Variants in C16orf92 observed in about 807,000 individuals in gnomAD.
C16orf92 encodes the protein fertilization-influencing membrane protein.
In C16orf92, 14 loss-of-function variants were observed where a neutral mutation model predicts 13.7. The ratio of observed to expected loss-of-function variants is 1.02; its 90% CI spans 0.67 to 1.60. The LOEUF is 1.60. Ranked by LOEUF, C16orf92 falls within the 40% of genes most tolerant of loss-of-function variation. The pLI is 0.00. For missense variants in C16orf92, 116 were observed against 139.0 expected, an observed-to-expected ratio of 0.83 and a Z score of 0.83; for synonymous variants, 50 against 57.4, an observed-to-expected ratio of 0.87 and a Z score of 0.58.
At chr16:30,025,818 A>T, downstream of C16orf92, 1 of 1,613,414 alleles carries the variant, frequency 6.2e-7, no homozygotes, top group Non-Finnish European at 8.5e-7. This position sits in a 1 kb window ranked among gnomAD's most constrained non-coding sequence, Gnocchi z 4.1. Flanking sequence ...CCCTGTCGCC[A>T]CACCTGGGCA....
chr16:30,026,528 G>C (rs2071144443), downstream of C16orf92: 1 of 1,269,824 alleles, frequency 7.9e-7, no homozygotes, highest in South Asian at 1.4e-5. Context: ...CAGACCCGGG[G>C]CTTCCCAGGC....
downstream of C16orf92, chr16:30,025,639 G>T: frequency 1.3e-6 from 2 of 1,494,658 alleles, no homozygotes; most frequent in Non-Finnish European, 1.9e-6. This position sits in a 1 kb window ranked among gnomAD's most constrained non-coding sequence, Gnocchi z 4.1. Context: ...TGACGAAGGG[G>T]CTAGAGCCCT....
intron 2 of C16orf92, 22 bp downstream of exon 2, chr16:30,023,907 G>T (rs746405101): frequency 6.2e-7 from 1 of 1,601,818 alleles, no homozygotes; most frequent in South Asian, 1.1e-5. Flanking sequence ...CTTGAGAAGG[G>T]ACCTCCCTCC....
At chr16:30,027,121 C>T (rs976650493), downstream of C16orf92, 7 of 551,856 alleles carry the variant, frequency 1.3e-5, no homozygotes, top group Non-Finnish European at 2.1e-5. Flanking sequence ...CCAGAAGATG[C>T]CCACAGACCA....
Position 30,023,869 on chromosome 16 carries a change from C to A in C16orf92, c.207C>A (p.Ile69=). ...AVAQFIGEKP[I]VFINSGSSPG... is the part of the protein sequence containing the mutation. ...CCCAGTTTATTGGAGAGAAACCCAT[C>A]GTGTTCATTAACTCAGGTATGAACC... is the stretch of plus-strand genomic sequence containing the variant. The change falls in exon 2 of 4, where the codon ATC becomes ATA. Residue 69 remains isoleucine (I), a synonymous_variant. Coordinates refer to ENST00000681219, the MANE Select transcript of C16orf92 (RefSeq NM_001109659.2). 6.2e-7 allele frequency: 1 copy of A among 1,613,274 alleles called. No individual in the cohort carries two copies. The highest frequency in any genetic ancestry group is 1.7e-5 in the Admixed American group (1 of 60,004).
chr16:30,026,261 C>G (rs1395059205), downstream of C16orf92, among the ~76,000 whole-genome samples: 1 of 152,110 alleles, frequency 6.6e-6, no homozygotes, highest in African/African-American at 2.4e-5. Context: ...GAAAGAACAC[C>G]TGGGTGCAGG....
At chr16:30,026,944 G>A (rs1026610014), downstream of C16orf92, 44 of 991,148 alleles carry the variant, frequency 4.4e-5, 1 homozygote, top group African/African-American at 9.6e-5. Flanking sequence ...GGACAGGAGC[G>A]GAGTCTTGGG....
At position 30,024,562 on chromosome 16, in the gene C16orf92, C is replaced by T. The variant is rs2071009119; in HGVS notation, c.*335C>T. 1.1e-5 allele frequency: 4 copies of T among 377,914 alleles called. No individual in the cohort carries two copies. Among genetic ancestry groups the T allele is most frequent in the Middle Eastern group, 7.3e-4 (1 of 1,378 alleles). 23.4% of individuals were successfully genotyped at this position (377,914 alleles called of 1,614,324 possible). On this transcript the variant is annotated 3_prime_UTR_variant, in exon 4 of 4. Coordinates refer to ENST00000681219, the MANE Select transcript of C16orf92 (RefSeq NM_001109659.2). ...AGGGCCCGAGGGCGCGATGTGCAGC[C>T]GATGGTGAGGGACTGGGCGCCCTCG...
chr16:30,023,968 A>T (rs1342881073), intron 2 of C16orf92, 31 bp from the exon 3 acceptor site: 16 of 1,595,824 alleles, frequency 1.0e-5, no homozygotes, highest in Middle Eastern at 1.7e-4. Flanking sequence ...GGGCCATCAG[A>T]GGGGAGTTAA....
chr16:30,023,571 C>G, intron 1 of C16orf92, 156 bp from the exon 2 acceptor site: 1 of 1,460,432 alleles, frequency 6.8e-7, no homozygotes, highest in Non-Finnish European at 9.5e-7. Flanking sequence ...CGAGCCTTGT[C>G]GTGGTGCACC....
downstream of C16orf92, chr16:30,027,472 A>G (rs1273480845): frequency 2.3e-6 from 1 of 431,286 alleles, no homozygotes; most frequent in Non-Finnish European, 4.7e-6. Context: ...CCTCACTGTC[A>G]TCCCCACCAT....
downstream of C16orf92, chr16:30,025,265 C>T: frequency 1.3e-6 from 2 of 1,541,570 alleles, no homozygotes; most frequent in Non-Finnish European, 1.7e-6. This position sits in a 1 kb window ranked among gnomAD's most constrained non-coding sequence, Gnocchi z 4.1. Flanking sequence ...GAGGAAGAAC[C>T]AGTAGAGCTG....
chr16:30,025,741 G>C, downstream of C16orf92: 2 of 1,614,128 alleles, frequency 1.2e-6, no homozygotes, highest in Non-Finnish European at 1.7e-6. The surrounding 1 kb of genome is among the most constrained non-coding windows in gnomAD (Gnocchi z 4.1). Context: ...TGAGGATCTT[G>C]CCAAGGCAGA....
downstream of C16orf92, chr16:30,026,494 TG>T: frequency 1.2e-6 from 1 of 864,870 alleles, no homozygotes; most frequent in Non-Finnish European, 1.8e-6. Context: ...GGGAATACGC[TG>T]GGTCTGCTTG....
At chr16:30,026,567 C>A, downstream of C16orf92, 2 of 1,562,150 alleles carry the variant, frequency 1.3e-6, no homozygotes, top group Non-Finnish European at 8.8e-7. Flanking sequence ...GACCAAGGAG[C>A]AGGCCACCCG....
In C16orf92 at chr16:30,024,325, C is replaced by G; in HGVS notation, c.*98C>G. The G allele has an allele frequency of 6.8e-7, 1 of 1,464,124 alleles. No homozygotes were observed. Among genetic ancestry groups the G allele is most frequent in the Non-Finnish European group, 9.4e-7 (1 of 1,063,680 alleles). 90.7% of individuals were successfully genotyped at this position (1,464,124 alleles called of 1,614,324 possible). A position where few individuals can be genotyped will look rare whatever the true frequency, so the allele number is the denominator to read the frequency against. ...TCCCTGCTTTCCTCCTCCCTGACTG[C>G]CCAGCGAGCAGCTGGGGATCCTGTC... On this transcript the variant is annotated 3_prime_UTR_variant, in exon 4 of 4. Coordinates refer to ENST00000681219, the MANE Select transcript of C16orf92 (RefSeq NM_001109659.2).
downstream of C16orf92, among the ~76,000 whole-genome samples, chr16:30,026,038 C>A (rs1414386489): frequency 1.3e-5 from 2 of 152,042 alleles, no homozygotes; most frequent in Non-Finnish European, 2.9e-5. Context: ...TTGAGACCAG[C>A]CTGGCCAACA....
intron 3 of C16orf92, 35 bp downstream of exon 3, chr16:30,024,121 C>G: frequency 1.2e-6 from 2 of 1,608,050 alleles, no homozygotes; most frequent in Non-Finnish European, 1.7e-6. Context: ...CCCCACCCAC[C>G]ACCACCTTCC....
downstream of C16orf92, chr16:30,027,026 A>C (rs2071174226): frequency 1.4e-6 from 1 of 691,994 alleles, no homozygotes; most frequent in Non-Finnish European, 2.6e-6. Context: ...AGCTAGTAAG[A>C]GATGGTGCTG....
Sources: gnomAD v4.1 joint callset for allele counts (sites outside exome capture counted in the v4.1 genomes callset) on GRCh38, gnomAD v4.1.1 for gene constraint, Gnocchi (gnomAD v3.1) non-coding constraint, MANE v1.5 for transcripts, NCBI Gene and HGNC (gene_info 2026-07-23, HGNC 2026-07-21) for gene names.